Variants in AFDN observed in about 807,000 individuals in gnomAD.
AFDN encodes the protein afadin.
A neutral mutation model predicts 216.6 loss-of-function variants in AFDN; 68 were observed. That is an observed-to-expected ratio of 0.31 (90% CI 0.26 to 0.38). AFDN has a LOEUF of 0.38. AFDN is among the 10% of genes least tolerant of loss of function. AFDN has a pLI of 1.00. For synonymous variants in AFDN, 868 were observed against 853.7 expected (o/e 1.02, Z -0.29); for missense variants, 2,136 against 2,342.0 (o/e 0.91, Z 1.82).
At chr6:167,870,153 T>G (rs1386663079) in intron 2 of AFDN, among the ~76,000 whole-genome samples, 2 of 152,262 alleles carry the variant, frequency 1.3e-5, no homozygotes, top group African/African-American at 2.4e-5. Flanking sequence ...TAGATCTAAA[T>G]GAGGGAATTG....
At chr6:167,858,844 C>A (rs1001031045) in intron 1 of AFDN, among the ~76,000 whole-genome samples, 2 of 151,866 alleles carry the variant, frequency 1.3e-5, no homozygotes, top group African/African-American at 4.8e-5. Context: ...AATGAGGAAA[C>A]CAAGGTTAAA....
At chr6:167,915,021 G>A (rs1344876023) in intron 18 of AFDN, 147 bp from the exon 19 acceptor site, 8 of 825,414 alleles carry the variant, frequency 9.7e-6, no homozygotes, top group Non-Finnish European at 1.5e-5. Context: ...TCATGTCACT[G>A]TTTCCTCTTG....
chr6:167,934,800 C>T (rs1035521273), intron 23 of AFDN, among the ~76,000 whole-genome samples: 1 of 152,166 alleles, frequency 6.6e-6, no homozygotes, highest in Non-Finnish European at 1.5e-5. Flanking sequence ...ATGTTTGAAG[C>T]CTAGGCTCCG....
chr6:167,918,440 C>G (rs1490807329), intron 20 of AFDN, among the ~76,000 whole-genome samples: 1 of 152,122 alleles, frequency 6.6e-6, no homozygotes, highest in Non-Finnish European at 1.5e-5. Context: ...AAAGAAACTT[C>G]TTGTGATTGA....
At chr6:167,890,146 A>T (rs1787379128) in intron 7 of AFDN, among the ~76,000 whole-genome samples, 1 of 152,236 alleles carries the variant, frequency 6.6e-6, no homozygotes, top group African/African-American at 2.4e-5. Flanking sequence ...ATGTATTGCC[A>T]TTTAATCGTG....
chr6:167,879,939 T>C lies in AFDN; in HGVS notation c.740-421T>C, dbSNP rs138822799. ...TTTTTAGTTTTTTTCAGATTGATGA[T>C]CAGGAAGTAGGAAAATGGGAGAAAT... On this transcript the variant is annotated intron_variant, in intron 5 of 33. Coordinates refer to ENST00000683244, the MANE Select transcript of AFDN (RefSeq NM_001386888.1). 2.2e-3 allele frequency among the ~76,000 whole-genome samples: 341 copies of C among 152,264 alleles called. 3 individuals are homozygous for C. Among genetic ancestry groups the C allele is most frequent in the East Asian group, 0.02 (103 of 5,190 alleles).
At chr6:167,906,802 C>T (rs1020779336) in intron 12 of AFDN, among the ~76,000 whole-genome samples, 1 of 152,194 alleles carries the variant, frequency 6.6e-6, no homozygotes, top group Non-Finnish European at 1.5e-5. Flanking sequence ...CCTGCCTCTT[C>T]ATGTTGTACA....
chr6:167,864,779 A>G (rs2128228592), intron 2 of AFDN, 33 bp downstream of exon 2: 1 of 1,602,274 alleles, frequency 6.2e-7, no homozygotes, highest in Non-Finnish European at 8.6e-7. Flanking sequence ...TGCTAGAGGC[A>G]TGACCTGACC....
In AFDN at chr6:167,883,654, A is replaced by G. The variant is rs565903370; in HGVS notation, c.897+3137A>G. ...AAAGTGTGCAGTAGCATTGTGTTTA[A>G]GAAAAAATGGACCTACCTTAATATA... is the stretch of plus-strand genomic sequence containing the variant. On this transcript the variant is annotated intron_variant, in intron 6 of 33. Transcript: ENST00000683244. 1.8e-3 allele frequency among the ~76,000 whole-genome samples: 268 copies of G among 152,336 alleles called. 2 individuals carry two copies. Among genetic ancestry groups the G allele is most frequent in the African/African-American group, 6.2e-3 (256 of 41,574 alleles).
intron 1 of AFDN, chr6:167,863,838 A>G (rs747918861): frequency 1.9e-6 from 1 of 517,734 alleles, no homozygotes. Context: ...GCGTTCATTG[A>G]TTATGGGCAA....
chr6:167,831,189 G>A (rs1398310114), intron 1 of AFDN, among the ~76,000 whole-genome samples: 3 of 151,988 alleles, frequency 2.0e-5, no homozygotes, highest in Non-Finnish European at 4.4e-5. Context: ...TGATCTGCCT[G>A]GCCTCCCAAA....
At chr6:167,909,800 G>A (rs1039823282) in intron 13 of AFDN, among the ~76,000 whole-genome samples, 30 of 152,062 alleles carry the variant, frequency 2.0e-4, no homozygotes, top group African/African-American at 6.8e-4. Context: ...TTAAGTTTGC[G>A]GAAGGCAAAA....
chr6:167,855,793 A>G (rs933157989), intron 1 of AFDN, among the ~76,000 whole-genome samples: 3 of 152,116 alleles, frequency 2.0e-5, no homozygotes, highest in African/African-American at 4.8e-5. Flanking sequence ...TGTAGTGGAT[A>G]ATACAACACT....
chr6:167,872,278 C>A lies in AFDN; in HGVS notation c.479C>A (p.Thr160Asn). 6.2e-7 allele frequency: 1 copy of A among 1,613,682 alleles called. No homozygotes were observed. Among genetic ancestry groups the A allele is most frequent in the Non-Finnish European group, 8.5e-7 (1 of 1,179,836 alleles). Residue 160 changes from threonine (T) to asparagine (N), a missense_variant, in exon 4 of 34, where the codon ACT (threonine) becomes AAT (asparagine). By Grantham distance (65) the Thr-to-Asn change is moderately conservative. This residue lies in a region of AFDN where 817 missense variants were observed against 965.7 expected (regional missense o/e 0.85). Transcript: ENST00000683244. ...KEGVIQNFKR[T>N]LSKKEKKEKK... ...GGGGTTATCCAGAACTTCAAGAGAA[C>A]TCTCTCAAAGAAAGAAAAGAAGGAA... is the stretch of plus-strand genomic sequence containing the variant.
Position 167,864,753 on chromosome 6 carries a change from G to A in AFDN, c.301+7G>A. 6.2e-7 allele frequency: 1 copy of A among 1,613,872 alleles called. No individual in the cohort carries two copies. The highest frequency in any genetic ancestry group is 1.7e-4 in the Middle Eastern group (1 of 6,060). On this transcript the variant is annotated splice_region_variant and intron_variant, in intron 2 of 33. Transcript: ENST00000683244. ...GAAGTGCATGTCAGCGGAGGTCAGT[G>A]TATACAGGAAGGGTTTGCTAGAGGC...
chr6:167,855,890 A>G (rs1344549652), intron 1 of AFDN, among the ~76,000 whole-genome samples: 1 of 152,168 alleles, frequency 6.6e-6, no homozygotes, highest in African/African-American at 2.4e-5. Context: ...ATAGTACAGT[A>G]GTCCCACCTA....
At chr6:167,953,168 C>T in intron 30 of AFDN, among the ~76,000 whole-genome samples, 1 of 152,018 alleles carries the variant, frequency 6.6e-6, no homozygotes, top group East Asian at 1.9e-4. Context: ...GAAAAGATGG[C>T]CAGAGCCATG....
chr6:167,944,055 G>C lies in AFDN; in HGVS notation c.3354G>C (p.Gln1118His). 1 of 1,611,644 alleles carries C rather than the reference G, an allele frequency of 6.2e-7. No individual in the cohort carries two copies. The highest frequency in any genetic ancestry group is 1.7e-5 in the Admixed American group (1 of 60,032). Residue 1118 changes from glutamine (Q) to histidine (H), a missense_variant, in exon 26 of 34, where the codon CAG (glutamine) becomes CAC (histidine). Around this residue, in one of 8 missense-constraint regions of AFDN, gnomAD observed 981 missense variants for 966.0 expected, o/e 1.02. Transcript: ENST00000683244. Reference protein sequence around the residue: ...TLLNQPSPMMQRISDRRGSGK... With the variant: ...TLLNQPSPMMHRISDRRGSGK... ...TCAATCAGCCATCCCCCATGATGCA[G>C]AGAAGTAAGGACCAGTAGGGAAACA...
At chr6:167,863,042 T>A (rs561002974) in intron 1 of AFDN, among the ~76,000 whole-genome samples, 7 of 152,198 alleles carry the variant, frequency 4.6e-5, no homozygotes, top group African/African-American at 1.7e-4. Flanking sequence ...TTGTTTTGAT[T>A]TTCATAAGTT....
Sources: allele counts gnomAD v4.1 joint callset (sites outside exome capture counted in the v4.1 genomes callset), GRCh38; gene constraint gnomAD v4.1.1; regional missense constraint gnomAD v4.1.1; transcripts MANE v1.5; gene names NCBI Gene and HGNC (gene_info 2026-07-23, HGNC 2026-07-21).